Variants in SBF2 observed in about 807,000 individuals in gnomAD.
The protein encoded by SBF2 is myotubularin-related protein 13.
SBF2 carries 112 observed loss-of-function variants against 225.2 expected under a neutral mutation model. That is an observed-to-expected ratio of 0.50 (90% CI 0.43 to 0.58). SBF2 has a LOEUF of 0.58. Ranked by LOEUF, SBF2 falls within the 20% of genes least tolerant of loss-of-function variation. The probability of loss-of-function intolerance (pLI) is 0.00; values close to 1 mark genes in which losing one functional copy is unlikely to be tolerated. For synonymous variants in SBF2, 763 were observed against 773.3 expected (o/e 0.99, Z 0.22); for missense variants, 1,996 against 2,206.2 (o/e 0.90, Z 1.91).
chr11:9,922,321 C>T (rs750653773), intron 16 of SBF2, among the ~76,000 whole-genome samples: 5 of 152,122 alleles, frequency 3.3e-5, no homozygotes, highest in Non-Finnish European at 5.9e-5. Flanking sequence ...TTTAGCTGGA[C>T]TGGAAGATGA....
chr11:9,898,545 C>T (rs955590882), intron 16 of SBF2, among the ~76,000 whole-genome samples: 2 of 152,090 alleles, frequency 1.3e-5, no homozygotes, highest in Non-Finnish European at 2.9e-5. Context: ...GTGGCCTGTG[C>T]ATGTAGTCCC....
chr11:9,954,700 A>C (rs995638326), intron 16 of SBF2, among the ~76,000 whole-genome samples: 1 of 152,172 alleles, frequency 6.6e-6, no homozygotes, highest in African/African-American at 2.4e-5. Context: ...AAACAAAAAC[A>C]AAAAAACTCC....
intron 26 of SBF2, among the ~76,000 whole-genome samples, chr11:9,835,506 C>A (rs374439827): frequency 6.6e-6 from 1 of 151,606 alleles, no homozygotes; most frequent in East Asian, 1.9e-4. Flanking sequence ...TGGTGGCATG[C>A]GCCTAGTCCC....
At chr11:10,013,452 C>T (rs911655286) in intron 6 of SBF2, among the ~76,000 whole-genome samples, 2 of 152,206 alleles carry the variant, frequency 1.3e-5, no homozygotes, top group Non-Finnish European at 2.9e-5. Flanking sequence ...AAAGTTCTAG[C>T]ATGAATAAAT....
intron 6 of SBF2, among the ~76,000 whole-genome samples, chr11:10,022,969 A>G (rs1948917037): frequency 6.6e-6 from 1 of 152,172 alleles, no homozygotes; most frequent in Non-Finnish European, 1.5e-5. Context: ...TGGTAAGGTT[A>G]TAACGGCACA....
intron 2 of SBF2, among the ~76,000 whole-genome samples, chr11:10,192,293 C>T (rs78645998): frequency 6.6e-6 from 1 of 152,160 alleles, no homozygotes; most frequent in Non-Finnish European, 1.5e-5. Flanking sequence ...GATTTACCCC[C>T]TCTGTAGGCC....
At chr11:10,222,929 C>A (rs1348761641) in intron 1 of SBF2, among the ~76,000 whole-genome samples, 3 of 151,962 alleles carry the variant, frequency 2.0e-5, no homozygotes, top group Non-Finnish European at 4.4e-5. Context: ...AAATGAGTTT[C>A]AATAACCTTA....
intron 2 of SBF2, among the ~76,000 whole-genome samples, chr11:10,089,079 T>A (rs542434233): frequency 1.8e-4 from 28 of 152,278 alleles, no homozygotes; most frequent in Admixed American, 7.2e-4. Context: ...ACTTAGTGGG[T>A]ACAAGTGCAG....
chr11:9,959,535 G>C, intron 16 of SBF2: 1 of 791,970 alleles, frequency 1.3e-6, no homozygotes, highest in Non-Finnish European at 2.3e-6. Context: ...GCTTGTGGAG[G>C]TCCTTGTGGA....
Position 10,029,746 on chromosome 11 carries a change from C to T in SBF2, c.513+19G>A. On this transcript the variant is annotated intron_variant, in intron 5 of 39. Transcript: ENST00000256190. Reference sequence around the variant, plus strand: ...GAAGAGGAACAATCCTTCTCCACCTCTCTTTCTATTCTATTTACCTGAGAC... The same window carrying T: ...GAAGAGGAACAATCCTTCTCCACCTTTCTTTCTATTCTATTTACCTGAGAC... The T allele has an allele frequency of 6.8e-7, 1 of 1,472,772 alleles. No individual in the cohort carries two copies. Among genetic ancestry groups the T allele is most frequent in the Non-Finnish European group, 9.5e-7 (1 of 1,051,268 alleles). 91.2% of individuals were successfully genotyped at this position (1,472,772 alleles called of 1,614,324 possible). A position where few individuals can be genotyped will look rare whatever the true frequency, so the allele number is the denominator to read the frequency against.
intron 13 of SBF2, among the ~76,000 whole-genome samples, chr11:9,976,156 C>T (rs1369779736): frequency 6.6e-6 from 1 of 150,476 alleles, no homozygotes; most frequent in Non-Finnish European, 1.5e-5. Flanking sequence ...TCACTGCAAC[C>T]TTTGCCTCCC....
At chr11:10,150,266 A>C (rs1174910715) in intron 2 of SBF2, among the ~76,000 whole-genome samples, 1 of 152,234 alleles carries the variant, frequency 6.6e-6, no homozygotes, top group Admixed American at 6.5e-5. Flanking sequence ...TAATTCTGAT[A>C]TAACCATATG....
chr11:10,216,637 A>C (rs1335029319), intron 1 of SBF2, among the ~76,000 whole-genome samples: 1 of 152,252 alleles, frequency 6.6e-6, no homozygotes, highest in African/African-American at 2.4e-5. Flanking sequence ...TGGGAGGCCA[A>C]GGCGGGTGGA....
chr11:10,150,692 T>G (rs1955135348), intron 2 of SBF2, among the ~76,000 whole-genome samples: 1 of 152,160 alleles, frequency 6.6e-6, no homozygotes, highest in Non-Finnish European at 1.5e-5. Flanking sequence ...TGATCATCTG[T>G]TTTAGTTCTA....
intron 13 of SBF2, among the ~76,000 whole-genome samples, chr11:9,969,008 A>G (rs1410917406): frequency 1.3e-5 from 2 of 148,488 alleles, no homozygotes; most frequent in Non-Finnish European, 3.0e-5. Context: ...TCTCTATACA[A>G]TATTTTCACT....
At position 10,230,024 on chromosome 11, in the gene SBF2, T is replaced by G. The variant is rs554899652; in HGVS notation, c.56-36037A>C. Among the ~76,000 whole-genome samples, 285 of 152,264 alleles carry G rather than the reference T, an allele frequency of 1.9e-3. 1 individual carries two copies. Among genetic ancestry groups the G allele is most frequent in the African/African-American group, 6.3e-3 (263 of 41,552 alleles). The stretch of plus-strand genomic sequence containing the variant: ...GTATTGGGTGCATATATATTTAGGA[T>G]AGTTAGCTCTTCTTGTTGAATTGAT... On this transcript the variant is annotated intron_variant, in intron 1 of 39. Transcript: ENST00000256190.
intron 17 of SBF2, among the ~76,000 whole-genome samples, chr11:9,872,765 C>T (rs769558370): frequency 1.3e-5 from 2 of 151,974 alleles, no homozygotes; most frequent in Non-Finnish European, 2.9e-5. Context: ...TCTGTAATCC[C>T]GGCACTTTGG....
At chr11:9,858,773 C>A (rs1857502262) in intron 17 of SBF2, among the ~76,000 whole-genome samples, 1 of 152,166 alleles carries the variant, frequency 6.6e-6, no homozygotes, top group Non-Finnish European at 1.5e-5. Context: ...TTTAACATTT[C>A]TTCTATGGCT....
At chr11:9,898,874 T>C (rs1458469202) in intron 16 of SBF2, among the ~76,000 whole-genome samples, 1 of 151,560 alleles carries the variant, frequency 6.6e-6, no homozygotes, top group Non-Finnish European at 1.5e-5. Context: ...GGAATAAACA[T>C]AAGGAGAACA....
Sources: allele counts gnomAD v4.1 joint callset (sites outside exome capture counted in the v4.1 genomes callset), GRCh38; gene constraint gnomAD v4.1.1; transcripts MANE v1.5; gene names NCBI Gene and HGNC (gene_info 2026-07-23, HGNC 2026-07-21).